Variants in TNRC6C observed in about 807,000 individuals in gnomAD.
The protein encoded by TNRC6C is trinucleotide repeat containing adaptor 6C.
A neutral mutation model predicts 153.7 loss-of-function variants in TNRC6C; 20 were observed. The ratio of observed to expected loss-of-function variants is 0.13; its 90% confidence interval spans 0.09 to 0.19. The LOEUF is 0.19. TNRC6C is among the 10% of genes least tolerant of loss of function. The pLI is 1.00. For missense variants in TNRC6C, 1,987 were observed against 2,172.0 expected (o/e 0.91, Z 1.69); for synonymous variants, 811 against 841.4 (o/e 0.96, Z 0.63).
chr17:78,014,121 T>A (rs931705721), intron 1 of TNRC6C, among the ~76,000 whole-genome samples: 4 of 152,196 alleles, frequency 2.6e-5, no homozygotes, highest in African/African-American at 7.2e-5. Flanking sequence ...TTATCAGTCC[T>A]GGGAGAACAC....
chr17:78,089,258 G>A (rs1010215475), intron 13 of TNRC6C, among the ~76,000 whole-genome samples: 2 of 152,034 alleles, frequency 1.3e-5, no homozygotes, highest in Non-Finnish European at 2.9e-5. Flanking sequence ...GTGAGCCACC[G>A]TGCCCGACCA....
At chr17:78,093,586 G>A in intron 15 of TNRC6C, 34 bp from the exon 18 acceptor site, 1 of 1,612,444 alleles carries the variant, frequency 6.2e-7, no homozygotes. Context: ...CCGGTGTTCT[G>A]ATCTGTGGCT....
chr17:78,104,348 T>G lies in TNRC6C; in HGVS notation c.4713-137T>G. 2 of 1,216,084 alleles carry G rather than the reference T, an allele frequency of 1.6e-6. No individual in the cohort carries two copies. The highest frequency in any genetic ancestry group is 2.2e-6 in the Non-Finnish European group (2 of 918,976). The allele number at this position is 1,216,084 out of a possible 1,614,324, so 75.3% of individuals were successfully genotyped here. A position where few individuals can be genotyped will look rare whatever the true frequency, so the allele number is the denominator to read the frequency against. ...TGAGCAAAACATTCACAGTCTGGGT[T>G]TGGAAATAGCAGTGGCAAAACAGAA... On this transcript the variant is annotated intron_variant, in intron 19 of 19. Transcript: ENST00000301624. The surrounding 1 kb of genome is among the most constrained non-coding windows in gnomAD (Gnocchi z 6.2).
In TNRC6C at chr17:78,086,934, C is replaced by T. The variant is rs539426616; in HGVS notation, c.3643C>T (p.Pro1215Ser). ...GGCCCAGGCCCTGCTCGTGAAGCAGCCACCACCGCCACCGCCCCCGCCGCA... is the reference window on the plus strand; with the variant it reads ...GGCCCAGGCCCTGCTCGTGAAGCAGTCACCACCGCCACCGCCCCCGCCGCA... The change falls in exon 13 of 20, where the codon CCA becomes TCA. Residue 1215 changes from proline to serine, a missense_variant. Physicochemically the swap from Pro to Ser is moderately conservative, Grantham distance 74. Transcript: ENST00000301624. 226 of 1,612,520 alleles carry T rather than the reference C, an allele frequency of 1.4e-4. 1 individual carries two copies. In the South Asian group the frequency reaches 2.3e-3, roughly 17 times the overall value.
At chr17:78,080,769 ACATTCTAG>A (rs1246860740) in intron 10 of TNRC6C, among the ~76,000 whole-genome samples, 3 of 152,172 alleles carry the variant, frequency 2.0e-5, no homozygotes, top group Non-Finnish European at 4.4e-5. Context: ...AGTACTTACA[ACATTCTAG>A]CATTCTAGCA....
chr17:78,050,667 G>T (rs1481839237), exon 3 of TNRC6C: 1 of 1,560,624 alleles, frequency 6.4e-7, no homozygotes, highest in Non-Finnish European at 8.7e-7. Context: ...GTGGCCCGGG[G>T]GTTTGGGGGG....
At chr17:78,055,347 A>G (rs2072632990) in intron 3 of TNRC6C, among the ~76,000 whole-genome samples, 1 of 152,176 alleles carries the variant, frequency 6.6e-6, no homozygotes, top group South Asian at 2.1e-4. Context: ...GAGATCCAAT[A>G]ACAGGAAGTA....
chr17:77,993,253 C>T (rs894698067), intron 1 of TNRC6C, among the ~76,000 whole-genome samples: 1 of 152,180 alleles, frequency 6.6e-6, no homozygotes, highest in Non-Finnish European at 1.5e-5. Flanking sequence ...TGAGCCACCG[C>T]GTGCGGCCCT....
Position 78,073,134 on chromosome 17 carries a change from G to A in TNRC6C, c.2917+40G>A, listed in dbSNP as rs2073026591. 3 of 1,509,266 alleles carry A rather than the reference G, an allele frequency of 2.0e-6. No homozygotes were observed. In the South Asian group the frequency reaches 3.6e-5, roughly 18 times the overall value. The allele number at this position is 1,509,266 out of a possible 1,614,324, so 93.5% of individuals were successfully genotyped here. ...ATCCTTTTTAAAAAGGTACCCAGCTGTGAAGTTTTACTTTCCAGAAGCATT... is the reference window on the plus strand; with the variant it reads ...ATCCTTTTTAAAAAGGTACCCAGCTATGAAGTTTTACTTTCCAGAAGCATT... On this transcript the variant is annotated intron_variant, in intron 7 of 19. Transcript: ENST00000301624.
rs570338008 is a variant in TNRC6C at position 78,074,186 on chromosome 17, A to C, written c.2918-950A>C. Among the ~76,000 whole-genome samples, 5 of 152,306 alleles carry C rather than the reference A, an allele frequency of 3.3e-5. No individual in the cohort carries two copies. In the South Asian group the frequency reaches 1.0e-3, roughly 32 times the overall value. On this transcript the variant is annotated intron_variant, in intron 7 of 19. Coordinates refer to ENST00000301624, the Ensembl canonical transcript of TNRC6C. ...GGGGACCATTTTAAACACCAGAATC[A>C]CTACAGAAAGCACAGAAATACGAAA...
At chr17:78,105,266 A>T (rs1486568235) in exon 20 of TNRC6C, 1 of 158,352 alleles carries the variant, frequency 6.3e-6, no homozygotes, top group Non-Finnish European at 1.4e-5. Context: ...GATTATGCAC[A>T]TGACCAGAGG....
intron 1 of TNRC6C, among the ~76,000 whole-genome samples, chr17:77,981,239 G>A (rs565282237): frequency 5.7e-4 from 87 of 152,186 alleles, no homozygotes; most frequent in Admixed American, 1.2e-3. Flanking sequence ...ACTGCTCCTA[G>A]CCCCTTTTGG....
At chr17:78,024,919 G>A (rs1057222346) in intron 1 of TNRC6C, among the ~76,000 whole-genome samples, 3 of 150,940 alleles carry the variant, frequency 2.0e-5, no homozygotes, top group Non-Finnish European at 4.4e-5. Flanking sequence ...TCAGCCTCCC[G>A]AGTAGCTGGG....
intron 1 of TNRC6C, among the ~76,000 whole-genome samples, chr17:77,972,481 C>T (rs1460433585): frequency 6.6e-6 from 1 of 150,612 alleles, no homozygotes; most frequent in Admixed American, 6.6e-5. Context: ...CACTGCACTC[C>T]AGCCTGGAAG....
chr17:78,098,256 G>C, intron 16 of TNRC6C, 87 bp from the exon 20 acceptor site: 1 of 1,306,106 alleles, frequency 7.7e-7, no homozygotes, highest in Non-Finnish European at 1.0e-6. Flanking sequence ...TGGTGTTAGA[G>C]AGCACTCTGT....
chr17:78,062,157 A>G (rs1001669008), intron 3 of TNRC6C, among the ~76,000 whole-genome samples: 2 of 152,150 alleles, frequency 1.3e-5, no homozygotes, highest in Non-Finnish European at 2.9e-5. Flanking sequence ...CTCCCAATAT[A>G]TATTATTGTC....
At chr17:78,067,570 C>T (rs1234419728) in intron 4 of TNRC6C, among the ~76,000 whole-genome samples, 187 bp from the exon 7 acceptor site, 1 of 152,162 alleles carries the variant, frequency 6.6e-6, no homozygotes, top group East Asian at 1.9e-4. Context: ...AAATTATATA[C>T]ATATACATGT....
chr17:78,103,013 C>G (rs1054290454), intron 18 of TNRC6C, among the ~76,000 whole-genome samples: 1 of 152,140 alleles, frequency 6.6e-6, no homozygotes, highest in African/African-American at 2.4e-5. Flanking sequence ...TTGGCCACAT[C>G]AGACTGTGGG....
chr17:78,004,534 A>G (rs2071463669), upstream of TNRC6C, among the ~76,000 whole-genome samples: 1 of 152,220 alleles, frequency 6.6e-6, no homozygotes, highest in Non-Finnish European at 1.5e-5. Flanking sequence ...ATGTTGTTCT[A>G]CTTAAAATGA....
Sources: allele counts gnomAD v4.1 joint callset (sites outside exome capture counted in the v4.1 genomes callset), GRCh38; gene constraint gnomAD v4.1.1; non-coding constraint Gnocchi (gnomAD v3.1); transcripts MANE v1.5; gene names NCBI Gene and HGNC (gene_info 2026-07-23, HGNC 2026-07-21).